The following FZD3 variants were observed in gnomAD, a reference collection of about 807,000 sequenced individuals.
FZD3 encodes the protein frizzled-3.
FZD3 carries 30 observed loss-of-function variants against 60.7 expected under a neutral mutation model. The observed-to-expected ratio is 0.49, with a 90% confidence interval of 0.37 to 0.67. The LOEUF (loss-of-function observed/expected upper bound fraction) is 0.67, where lower values mean the gene tolerates loss of function less well. Among genes scored for constraint, FZD3 ranks in the 30% least tolerant of loss-of-function variants. The probability of loss-of-function intolerance (pLI) is 0.00; values close to 1 mark genes in which losing one functional copy is unlikely to be tolerated. For missense variants in FZD3, 605 were observed against 838.7 expected (o/e 0.72, Z 3.44); for synonymous variants, 246 against 275.2 (o/e 0.89, Z 1.05).
intron 5 of FZD3, among the ~76,000 whole-genome samples, chr8:28,547,856 CTTT>C (rs1336981470): frequency 7.1e-6 from 1 of 141,798 alleles, no homozygotes. Flanking sequence ...ACAGTTGTCT[CTTT>C]TTTTTTTTTT....
At chr8:28,538,095 C>T (rs763130650) in intron 5 of FZD3, among the ~76,000 whole-genome samples, 2 of 150,648 alleles carry the variant, frequency 1.3e-5, no homozygotes, top group South Asian at 2.1e-4. Context: ...CCAGCCTGGG[C>T]GACAAGAGTG....
At chr8:28,562,545 T>C (rs550075112) in intron 7 of FZD3, among the ~76,000 whole-genome samples, 1 of 152,320 alleles carries the variant, frequency 6.6e-6, no homozygotes, top group South Asian at 2.1e-4. Context: ...CGGTCAGCCT[T>C]ATTTAATCTT....
At chr8:28,523,387 C>G (rs916259841) in intron 4 of FZD3, among the ~76,000 whole-genome samples, 5 of 152,066 alleles carry the variant, frequency 3.3e-5, no homozygotes, top group Non-Finnish European at 5.9e-5. Context: ...TCTGCAGCCT[C>G]TTTTATAGGG....
intron 5 of FZD3, among the ~76,000 whole-genome samples, chr8:28,543,687 C>G (rs531668901): frequency 2.1e-4 from 31 of 151,096 alleles, no homozygotes; most frequent in Admixed American, 1.1e-3. Context: ...GGCCCACACT[C>G]TACTTTTATG....
intron 5 of FZD3, among the ~76,000 whole-genome samples, chr8:28,540,817 T>C (rs1585987327): frequency 6.6e-6 from 1 of 151,920 alleles, no homozygotes; most frequent in Admixed American, 6.6e-5. Flanking sequence ...TGGTGGCGGG[T>C]GCCTGTAATC....
chr8:28,506,818 TCA>T (rs1001414463), intron 3 of FZD3, among the ~76,000 whole-genome samples: 5 of 152,178 alleles, frequency 3.3e-5, no homozygotes, highest in African/African-American at 1.2e-4. Flanking sequence ...AACCAGTCTC[TCA>T]GTTATCCAAA....
At chr8:28,552,063 T>C (rs1405088575) in intron 6 of FZD3, among the ~76,000 whole-genome samples, 4 of 152,256 alleles carry the variant, frequency 2.6e-5, no homozygotes, top group Non-Finnish European at 5.9e-5. Flanking sequence ...TGCTTTTCTC[T>C]ACATTCTTAT....
At chr8:28,525,691 T>G (rs1017060295) in intron 4 of FZD3, among the ~76,000 whole-genome samples, 7 of 151,400 alleles carry the variant, frequency 4.6e-5, no homozygotes, top group Non-Finnish European at 7.4e-5. Context: ...CATTAGAGGG[T>G]TTTAAGCAGA....
intron 3 of FZD3, among the ~76,000 whole-genome samples, chr8:28,514,236 T>C (rs919774835): frequency 2.6e-5 from 4 of 152,188 alleles, no homozygotes; most frequent in African/African-American, 9.7e-5. Context: ...ATTTCTTATG[T>C]TATACATTTG....
rs184499875 is a variant in FZD3 at position 28,534,059 on chromosome 8, G to A, written c.1404+5895G>A. Among the ~76,000 whole-genome samples the A allele has an allele frequency of 1.0e-3, 155 of 152,282 alleles. 1 individual carries two copies. Among genetic ancestry groups the A allele is most frequent in the African/African-American group, 3.4e-3 (140 of 41,562 alleles). On this transcript the variant is annotated intron_variant, in intron 5 of 7. Coordinates refer to ENST00000240093, the MANE Select transcript of FZD3 (RefSeq NM_017412.4). ...AACAACCTTTTCAAATAGATAGTATGGCTTCATTCCTGCCATTCAAAAGCA... is the reference window on the plus strand; with the variant it reads ...AACAACCTTTTCAAATAGATAGTATAGCTTCATTCCTGCCATTCAAAAGCA...
chr8:28,505,827 CTG>C (rs1804124746), intron 3 of FZD3, among the ~76,000 whole-genome samples: 1 of 152,212 alleles, frequency 6.6e-6, no homozygotes, highest in Non-Finnish European at 1.5e-5. Flanking sequence ...GGTACATACT[CTG>C]TACTTTTATT....
intron 1 of FZD3, among the ~76,000 whole-genome samples, chr8:28,499,070 A>C (rs1008226566): frequency 2.0e-5 from 3 of 152,230 alleles, no homozygotes; most frequent in Non-Finnish European, 4.4e-5. Context: ...TCATTTCACT[A>C]GTATTTTTTC....
rs1805744099 is a variant in FZD3, at chr8:28,568,451, G to T, written c.*5440G>T. The stretch of plus-strand genomic sequence containing the variant: ...CGTCTGATTGTAATCAGTCTCCTGG[G>T]TTTTTTACTAATTTAATCTTAATCC... On this transcript the variant is annotated 3_prime_UTR_variant, in exon 8 of 8. Coordinates refer to ENST00000240093, the MANE Select transcript of FZD3 (RefSeq NM_017412.4). 1 of 151,954 alleles carries T rather than the reference G, an allele frequency of 6.6e-6. No homozygotes were observed. Among genetic ancestry groups the T allele is most frequent in the Non-Finnish European group, 1.5e-5 (1 of 67,976 alleles). 9.4% of individuals were successfully genotyped at this position (151,954 alleles called of 1,614,324 possible).
chr8:28,511,514 T>G (rs1449040892), intron 3 of FZD3, among the ~76,000 whole-genome samples: 1 of 152,116 alleles, frequency 6.6e-6, no homozygotes, highest in African/African-American at 2.4e-5. Flanking sequence ...AAAATAACAG[T>G]GCCAATCCTT....
intron 4 of FZD3, among the ~76,000 whole-genome samples, chr8:28,524,565 G>A (rs1804667473): frequency 1.3e-5 from 2 of 152,086 alleles, no homozygotes; most frequent in African/African-American, 4.8e-5. Flanking sequence ...GAGAACTATT[G>A]TGATCTGTTA....
intron 3 of FZD3, among the ~76,000 whole-genome samples, chr8:28,503,908 A>C (rs1585943612): frequency 6.6e-6 from 1 of 152,212 alleles, no homozygotes; most frequent in African/African-American, 2.4e-5. Context: ...TAGAGACTTC[A>C]GTAAGGTACA....
At chr8:28,535,673 A>G (rs976961630) in intron 5 of FZD3, among the ~76,000 whole-genome samples, 1 of 152,134 alleles carries the variant, frequency 6.6e-6, no homozygotes, top group Non-Finnish European at 1.5e-5. Flanking sequence ...TTCTGAATTA[A>G]TTATGAAATA....
At chr8:28,503,838 A>G (rs1286535506) in intron 3 of FZD3, among the ~76,000 whole-genome samples, 1 of 152,194 alleles carries the variant, frequency 6.6e-6, no homozygotes, top group Non-Finnish European at 1.5e-5. Flanking sequence ...ACCACTTTCT[A>G]GCTGTATACT....
chr8:28,561,753 C>G (rs955096304), intron 7 of FZD3, among the ~76,000 whole-genome samples: 2 of 152,102 alleles, frequency 1.3e-5, no homozygotes, highest in African/African-American at 2.4e-5. Flanking sequence ...TAAGTATAAA[C>G]AAAAAGTATT....
Sources: gnomAD v4.1 joint callset for allele counts (sites outside exome capture counted in the v4.1 genomes callset) on GRCh38, gnomAD v4.1.1 for gene constraint, MANE v1.5 for transcripts, NCBI Gene and HGNC (gene_info 2026-07-23, HGNC 2026-07-21) for gene names.